Variants in RBKS observed in about 807,000 individuals in gnomAD.
The protein encoded by RBKS is ribokinase.
In RBKS, 33 loss-of-function variants were observed where a neutral mutation model predicts 33.9. That is an observed-to-expected ratio of 0.97 (90% CI 0.74 to 1.30). The LOEUF (loss-of-function observed/expected upper bound fraction) is 1.30, where lower values mean the gene tolerates loss of function less well. RBKS is among the 50% of genes most tolerant of loss of function. RBKS has a pLI of 0.00. For missense variants in RBKS, 361 were observed against 392.6 expected (o/e 0.92, Z 0.68); for synonymous variants, 125 against 143.0 (o/e 0.87, Z 0.90).
intron 1 of RBKS, among the ~76,000 whole-genome samples, chr2:27,878,367 T>G (rs1474215876): frequency 6.6e-6 from 1 of 151,080 alleles, no homozygotes; most frequent in Non-Finnish European, 1.5e-5. Flanking sequence ...AACTCATCAT[T>G]TTTTATGGCT....
At chr2:27,840,350 ACACACGCGCGCGCG>A (rs1307730660) in intron 5 of RBKS, among the ~76,000 whole-genome samples, 3 of 137,002 alleles carry the variant, frequency 2.2e-5, no homozygotes, top group African/African-American at 6.3e-5. Flanking sequence ...ACACACACAC[ACACACGCGCGCGCG>A]CACACACACA....
At chr2:27,824,086 G>A (rs893974685) in intron 7 of RBKS, among the ~76,000 whole-genome samples, 1 of 151,874 alleles carries the variant, frequency 6.6e-6, no homozygotes, top group African/African-American at 2.4e-5. Context: ...CTGTCTCTAT[G>A]GATTTATAAT....
chr2:27,792,887 A>C (rs927087234), intron 7 of RBKS, among the ~76,000 whole-genome samples: 5 of 152,020 alleles, frequency 3.3e-5, no homozygotes, highest in Non-Finnish European at 5.9e-5. Context: ...GAGTTACTCA[A>C]AACACTTCAA....
intron 7 of RBKS, among the ~76,000 whole-genome samples, chr2:27,794,343 AT>A (rs1373602913): frequency 6.8e-6 from 1 of 147,620 alleles, no homozygotes; most frequent in African/African-American, 2.5e-5. Flanking sequence ...AATAATAATA[AT>A]AATAAAGAAA....
At chr2:27,846,760 T>A (rs1663628691) in intron 4 of RBKS, among the ~76,000 whole-genome samples, 1 of 152,218 alleles carries the variant, frequency 6.6e-6, no homozygotes, top group African/African-American at 2.4e-5. Flanking sequence ...ACATGAAGGG[T>A]AATGGGGACA....
At chr2:27,845,714 C>A (rs1663608619) in intron 4 of RBKS, among the ~76,000 whole-genome samples, 1 of 152,128 alleles carries the variant, frequency 6.6e-6, no homozygotes, top group South Asian at 2.1e-4. Context: ...ATCACTAAAG[C>A]CGAGTTAAAA....
intron 1 of RBKS, among the ~76,000 whole-genome samples, chr2:27,889,622 A>G (rs764016927): frequency 1.3e-5 from 2 of 152,190 alleles, no homozygotes; most frequent in Non-Finnish European, 2.9e-5. Context: ...TCATAATTTG[A>G]TCATCGTTTT....
At chr2:27,849,287 G>A (rs1663686257) in intron 2 of RBKS, among the ~76,000 whole-genome samples, 1 of 152,124 alleles carries the variant, frequency 6.6e-6, no homozygotes, top group African/African-American at 2.4e-5. Flanking sequence ...TTCAGGCTGG[G>A]TGCGGTGGCT....
chr2:27,830,544 G>A (rs13413288), intron 6 of RBKS, among the ~76,000 whole-genome samples: 1,662 of 152,262 alleles, frequency 0.011, 34 homozygotes, highest in African/African-American at 0.037. Flanking sequence ...GATTACAGGC[G>A]TTAGCCACCG....
chr2:27,825,405 C>G (rs1678292769), intron 7 of RBKS, among the ~76,000 whole-genome samples: 1 of 152,118 alleles, frequency 6.6e-6, no homozygotes, highest in South Asian at 2.1e-4. Flanking sequence ...TCTAGATGAC[C>G]TAGAAGGGAA....
chr2:27,783,985 T>C (rs1331614795), intron 7 of RBKS, among the ~76,000 whole-genome samples: 22 of 80,058 alleles, frequency 2.7e-4, no homozygotes, highest in South Asian at 1.1e-3. Context: ...CTTTTTTTTT[T>C]TTTTTTTTTT....
At chr2:27,875,415 TG>T (rs1664292907) in intron 1 of RBKS, among the ~76,000 whole-genome samples, 1 of 152,112 alleles carries the variant, frequency 6.6e-6, no homozygotes, top group Non-Finnish European at 1.5e-5. Context: ...TAGTTGGGCA[TG>T]GTGGTATGCA....
chr2:27,815,033 TAC>T (rs1678060612), intron 7 of RBKS, among the ~76,000 whole-genome samples: 1 of 152,182 alleles, frequency 6.6e-6, no homozygotes. Flanking sequence ...ACCATTAACC[TAC>T]AACACAAACA....
chr2:27,826,142 C>T (rs1043563050), intron 7 of RBKS, among the ~76,000 whole-genome samples: 3 of 152,178 alleles, frequency 2.0e-5, no homozygotes, highest in African/African-American at 7.2e-5. Context: ...TGAAAGGCAA[C>T]CAGGATGTTA....
chr2:27,829,177 G>A (rs547340411), intron 6 of RBKS, among the ~76,000 whole-genome samples: 6 of 152,082 alleles, frequency 3.9e-5, no homozygotes, highest in Non-Finnish European at 8.8e-5. Context: ...TTACAGGTAT[G>A]AGCCACCACG....
rs187320144 is a variant in RBKS at position 27,795,844 on chromosome 2, G to C, written c.796-14056C>G. Among the ~76,000 whole-genome samples the C allele has an allele frequency of 6.6e-6, 1 of 152,174 alleles. No homozygotes were observed. The highest frequency in any genetic ancestry group is 1.5e-5 in the Non-Finnish European group (1 of 68,018). On this transcript the variant is annotated intron_variant, in intron 7 of 7. Coordinates refer to ENST00000302188, the MANE Select transcript of RBKS (RefSeq NM_022128.3). This position sits in a 1 kb window ranked among gnomAD's most constrained non-coding sequence, Gnocchi z 4.1. The stretch of plus-strand genomic sequence containing the variant: ...CCCTTTGTATTTCTCTTAGGACTCT[G>C]AGTTCATTGTGCTGAACGTTTTCTG...
chr2:27,846,106 A>G (rs761182155), intron 4 of RBKS, among the ~76,000 whole-genome samples: 2 of 152,116 alleles, frequency 1.3e-5, no homozygotes, highest in African/African-American at 2.4e-5. Context: ...CTGAGATTAC[A>G]GGCATTTGCC....
intron 2 of RBKS, among the ~76,000 whole-genome samples, chr2:27,848,882 T>C (rs1351598087): frequency 6.0e-5 from 9 of 148,878 alleles, no homozygotes; most frequent in East Asian, 2.0e-4. Context: ...CTAGTCACAG[T>C]GATGGGTTCA....
At chr2:27,804,327 T>G (rs1443329418) in intron 7 of RBKS, among the ~76,000 whole-genome samples, 3 of 152,198 alleles carry the variant, frequency 2.0e-5, no homozygotes, top group Non-Finnish European at 4.4e-5. Flanking sequence ...TTAGAAATCT[T>G]CATCTCCCTT....
Sources: allele counts gnomAD v4.1 joint callset (sites outside exome capture counted in the v4.1 genomes callset), GRCh38; gene constraint gnomAD v4.1.1; non-coding constraint Gnocchi (gnomAD v3.1); transcripts MANE v1.5; gene names NCBI Gene and HGNC (gene_info 2026-07-23, HGNC 2026-07-21).